Variants in SF3A1 observed in about 807,000 individuals in gnomAD.
The protein encoded by SF3A1 is splicing factor 3a subunit 1.
Under a neutral mutation model 89.9 loss-of-function variants are expected in SF3A1, and 13 were observed. The observed-to-expected ratio is 0.14, with a 90% confidence interval of 0.09 to 0.23. The LOEUF (loss-of-function observed/expected upper bound fraction) is 0.23, where lower values mean the gene tolerates loss of function less well. Among genes scored for constraint, SF3A1 ranks in the 10% least tolerant of loss-of-function variants. The pLI, the probability that SF3A1 is intolerant of heterozygous loss-of-function variation, is 1.00. For missense variants in SF3A1, 604 were observed against 1,022.1 expected, an observed-to-expected ratio of 0.59 and a Z score of 5.58; for synonymous variants, 405 against 374.4, an observed-to-expected ratio of 1.08 and a Z score of -0.94.
chr22:30,352,629 T>C, intron 2 of SF3A1: 1 of 211,280 alleles, frequency 4.7e-6, no homozygotes, highest in Non-Finnish European at 9.6e-6. Flanking sequence ...AACTCCCCTT[T>C]TTATCTTCCT....
chr22:30,335,011 C>T (rs753083678), intron 15 of SF3A1, among the ~76,000 whole-genome samples: 25 of 152,318 alleles, frequency 1.6e-4, no homozygotes, highest in African/African-American at 5.8e-4. Context: ...CCAACAGCCT[C>T]AATGGATAGA....
rs889340238 is a variant in SF3A1 at position 30,339,029 on chromosome 22, G to A, written c.1503C>T (p.Thr501=). The change falls in exon 11 of 16, where the codon ACC becomes ACT. Residue 501 remains threonine (T), a synonymous_variant. Coordinates refer to ENST00000215793, the MANE Select transcript of SF3A1 (RefSeq NM_005877.6). ...CCATGCTGCCTGAGTGGCCATCCCAGGTCACCTGCAAGTGAAAGCAAAGCC... is the reference window on the plus strand; with the variant it reads ...CCATGCTGCCTGAGTGGCCATCCCAAGTCACCTGCAAGTGAAAGCAAAGCC... The part of the protein sequence containing the change: ...EEIQKPEEKV[T]WDGHSGSMAR... 3.1e-6 allele frequency: 5 copies of A among 1,613,998 alleles called. No homozygotes were observed. In the South Asian group the frequency reaches 4.4e-5, roughly 14 times the overall value.
chr22:30,349,149 T>C (rs1415017373), intron 2 of SF3A1, among the ~76,000 whole-genome samples: 1 of 152,232 alleles, frequency 6.6e-6, no homozygotes. Context: ...AACCGCTCAG[T>C]TGTGCATTTC....
At chr22:30,349,312 G>A (rs754762254) in intron 2 of SF3A1, among the ~76,000 whole-genome samples, 12 of 152,148 alleles carry the variant, frequency 7.9e-5, no homozygotes, top group East Asian at 1.9e-4. Flanking sequence ...GCGGAGTCTC[G>A]CTCCGTCACC....
intron 4 of SF3A1, 23 bp from the exon 5 acceptor site, chr22:30,342,902 CA>C: frequency 2.0e-6 from 3 of 1,518,336 alleles, no homozygotes; most frequent in Non-Finnish European, 1.8e-6. Context: ...AGAGTTAAAG[CA>C]ACTGTCAGTG....
chr22:30,356,673 G>T, intron 1 of SF3A1, 57 bp downstream of exon 1: 2 of 1,324,522 alleles, frequency 1.5e-6, no homozygotes, highest in Non-Finnish European at 1.0e-6. Context: ...TCCTGTGCGA[G>T]TAAGGAGCGC....
intron 9 of SF3A1, among the ~76,000 whole-genome samples, 179 bp downstream of exon 9, chr22:30,340,017 C>T (rs1931198878): frequency 6.6e-6 from 1 of 152,198 alleles, no homozygotes; most frequent in Non-Finnish European, 1.5e-5. Flanking sequence ...CAGTGTCTGC[C>T]TTTGGGGAAT....
At position 30,356,752 on chromosome 22, in the gene SF3A1, G is replaced by A. The variant is rs1483138404; in HGVS notation, c.41C>T (p.Pro14Leu). 6.7e-7 allele frequency: 1 copy of A among 1,488,406 alleles called. No individual in the cohort carries two copies. Among genetic ancestry groups the A allele is most frequent in the South Asian group, 1.3e-5 (1 of 75,886 alleles). 92.2% of individuals were successfully genotyped at this position (1,488,406 alleles called of 1,614,324 possible). The change falls in exon 1 of 16, where the codon CCC becomes CTC. Residue 14 changes from proline (P) to leucine (L), a missense_variant. Around this residue, in one of 9 missense-constraint regions of SF3A1, gnomAD observed 55 missense variants for 43.8 expected, o/e 1.25. Coordinates refer to ENST00000215793, the MANE Select transcript of SF3A1 (RefSeq NM_005877.6). Reference sequence around the variant, plus strand: ...TACCTGTTTGGGCTCCGTGGGCACGGGCGGCGGCGGGGGCACCGCCTGCAC... The same window carrying A: ...TACCTGTTTGGGCTCCGTGGGCACGAGCGGCGGCGGGGGCACCGCCTGCAC... ...GPVQAVPPPP[P>L]VPTEPKQPTE...
Position 30,342,193 on chromosome 22 carries a change from G to C in SF3A1, c.877+7C>G. On this transcript the variant is annotated splice_region_variant and intron_variant, in intron 6 of 15. Coordinates refer to ENST00000215793, the MANE Select transcript of SF3A1 (RefSeq NM_005877.6). ...TCCCCATCTGGAGTCACTCCTCACA[G>C]ACCTACCTTGCTCATTGGGTTGGAA... 1 of 1,614,150 alleles carries C rather than the reference G, an allele frequency of 6.2e-7. No individual in the cohort carries two copies. The highest frequency in any genetic ancestry group is 8.5e-7 in the Non-Finnish European group (1 of 1,179,996).
In SF3A1 at chr22:30,342,284, C is replaced by G; in HGVS notation, c.793G>C (p.Glu265Gln). The G allele has an allele frequency of 1.9e-6, 3 of 1,614,192 alleles. No individual in the cohort carries two copies. The highest frequency in any genetic ancestry group is 2.5e-6 in the Non-Finnish European group (3 of 1,180,032). Residue 265 changes from glutamate to glutamine, a missense_variant, in exon 6 of 16, where the codon GAG becomes CAG. Coordinates refer to ENST00000215793, the MANE Select transcript of SF3A1 (RefSeq NM_005877.6). Reference sequence around the variant, plus strand: ...TGAGCATAGGCCACCCGCTCCTTCTCCTTCTCCTCTTCTTCCTTCTTCCTC... The same window carrying G: ...TGAGCATAGGCCACCCGCTCCTTCTGCTTCTCCTCTTCTTCCTTCTTCCTC... ...RERKKEEEEK[E>Q]KERVAYAQID...
rs1931380759 is a variant in SF3A1 at position 30,345,152 on chromosome 22, T to C, written c.432A>G (p.Lys144=). ...AQVIQETIVP[K]EPPPEFEFIA... ...TGAACTCAAACTCAGGAGGAGGCTC[T>C]TTGGGCACGATGGTCTCTTGGATTA... is the stretch of plus-strand genomic sequence containing the variant. The change falls in exon 4 of 16, where the codon AAA becomes AAG. Residue 144 remains lysine (K), a synonymous_variant. Transcript: ENST00000215793. 6.2e-7 allele frequency: 1 copy of C among 1,613,978 alleles called. No homozygotes were observed. The highest frequency in any genetic ancestry group is 8.5e-7 in the Non-Finnish European group (1 of 1,179,978).
rs1200828398 is a variant in SF3A1, at chr22:30,355,823, C to CT, written c.63+906_63+907insA. On this transcript the variant is annotated intron_variant, in intron 1 of 15. Transcript: ENST00000215793. ...GGCTTCTTCAGTCATGTTCCCCCCCCCCGCCCCCCTTATTCTGAACCCAAA... is the reference window on the plus strand; with the variant it reads ...GGCTTCTTCAGTCATGTTCCCCCCCCTCCGCCCCCCTTATTCTGAACCCAAA... Among the ~76,000 whole-genome samples the CT allele has an allele frequency of 5.8e-4, 68 of 116,556 alleles. 1 individual carries two copies. The highest frequency in any genetic ancestry group is 2.0e-3 in the African/African-American group (62 of 30,698). 76.5% of individuals were successfully genotyped at this position (116,556 alleles called of 152,430 possible). A position where few individuals can be genotyped will look rare whatever the true frequency, so the allele number is the denominator to read the frequency against.
intron 4 of SF3A1, among the ~76,000 whole-genome samples, chr22:30,343,202 T>C (rs568168382): frequency 6.6e-6 from 1 of 152,334 alleles, no homozygotes; most frequent in African/African-American, 2.4e-5. Context: ...TTCATGACAC[T>C]GACCTGCTCT....
chr22:30,337,799 G>C lies in SF3A1; in HGVS notation c.1842C>G (p.Ile614Met). The C allele has an allele frequency of 1.9e-6, 3 of 1,601,136 alleles. No homozygotes were observed. Among genetic ancestry groups the C allele is most frequent in the Admixed American group, 3.5e-5 (2 of 57,888 alleles). ...SVVRLPPGSV[I>M]APMPPIIHAP... is the part of the protein sequence containing the mutation. Reference sequence around the variant, plus strand: ...CGTGGATGATGGGCGGCATGGGGGCGATCACTGAGCCTGGGGGCAGCCGGA... The same window carrying C: ...CGTGGATGATGGGCGGCATGGGGGCCATCACTGAGCCTGGGGGCAGCCGGA... Residue 614 changes from isoleucine to methionine, a missense_variant, in exon 12 of 16, where the codon ATC becomes ATG. Ile to Met is a conservative substitution (Grantham distance 10, BLOSUM62 1). Transcript: ENST00000215793.
chr22:30,340,770 G>T lies in SF3A1; in HGVS notation c.1114C>A (p.Pro372Thr). 1 of 1,597,592 alleles carries T rather than the reference G, an allele frequency of 6.3e-7. No homozygotes were observed. The highest frequency in any genetic ancestry group is 8.5e-7 in the Non-Finnish European group (1 of 1,173,070). The part of the protein sequence containing the change: ...EEEGQKVPPP[P>T]ETPMPPPLPP... ...AGAGGTGGAGGCATGGGTGTCTCTG[G>T]GGGTGGGGGCACTTTCTGCCCTTCT... The change falls in exon 8 of 16, where the codon CCA becomes ACA. Residue 372 changes from proline to threonine, a missense_variant. Pro to Thr is a conservative substitution (Grantham distance 38). Coordinates refer to ENST00000215793, the MANE Select transcript of SF3A1 (RefSeq NM_005877.6).
intron 11 of SF3A1, 39 bp from the exon 12 acceptor site, chr22:30,337,936 A>C (rs1931125563): frequency 6.8e-7 from 1 of 1,465,642 alleles, no homozygotes; most frequent in African/African-American, 1.4e-5. Flanking sequence ...AGGAAGCCAA[A>C]GTTGGACTCC....
intron 2 of SF3A1, among the ~76,000 whole-genome samples, chr22:30,350,753 T>C (rs1931567431): frequency 6.6e-6 from 1 of 152,192 alleles, no homozygotes; most frequent in Admixed American, 6.5e-5. Context: ...AATGAGAATA[T>C]GGTGATTCTT....
chr22:30,336,852 A>G (rs1165381919), intron 13 of SF3A1, among the ~76,000 whole-genome samples, 174 bp downstream of exon 13: 1 of 152,080 alleles, frequency 6.6e-6, no homozygotes. Flanking sequence ...TGCTCCTCCA[A>G]TTGTTGGCCC....
At chr22:30,353,880 G>A (rs914783670) in intron 1 of SF3A1, among the ~76,000 whole-genome samples, 1 of 152,192 alleles carries the variant, frequency 6.6e-6, no homozygotes, top group Non-Finnish European at 1.5e-5. Context: ...ACTACATTCT[G>A]AGAAACCATG....
Sources: gnomAD v4.1 joint callset for allele counts (sites outside exome capture counted in the v4.1 genomes callset) on GRCh38, gnomAD v4.1.1 for gene constraint, gnomAD v4.1.1 regional missense constraint, MANE v1.5 for transcripts, NCBI Gene and HGNC (gene_info 2026-07-23, HGNC 2026-07-21) for gene names.